The following INSL6 variants were observed in gnomAD, a reference collection of about 807,000 sequenced individuals.
The protein encoded by INSL6 is insulin-like peptide INSL6.
INSL6 carries 16 observed loss-of-function variants against 9.4 expected under a neutral mutation model. The ratio of observed to expected loss-of-function variants is 1.70; its 90% CI spans 1.15 to 2.59. The LOEUF (loss-of-function observed/expected upper bound fraction) is 2.59, where lower values mean the gene tolerates loss of function less well. INSL6 is among the 30% of genes most tolerant of loss of function. The pLI, the probability that INSL6 is intolerant of heterozygous loss-of-function variation, is 0.00. For missense variants in INSL6, 391 were observed against 257.3 expected (o/e 1.52, Z -3.56); for synonymous variants, 154 against 96.9 (o/e 1.59, Z -3.46).
the INSL6 span, among the ~76,000 whole-genome samples, chr9:5,035,842 A>G: frequency 1.3e-5 from 2 of 152,176 alleles, no homozygotes; most frequent in African/African-American, 4.8e-5. Context: ...GCCCTCTCTC[A>G]CCACTCCTAT....
the INSL6 span, among the ~76,000 whole-genome samples, chr9:5,030,216 T>G: frequency 6.6e-6 from 1 of 152,232 alleles, no homozygotes. Flanking sequence ...GTTTGGGATA[T>G]TGCTGGTTTG....
the INSL6 span, chr9:5,090,408 G>C: frequency 7.0e-7 from 1 of 1,437,982 alleles, no homozygotes; most frequent in African/African-American, 1.4e-5. Context: ...AGTATAATAT[G>C]GCAGAGTAAA....
chr9:5,184,753 C>A (rs527637418), intron 1 of INSL6, among the ~76,000 whole-genome samples: 1 of 152,284 alleles, frequency 6.6e-6, no homozygotes, highest in African/African-American at 2.4e-5. Context: ...GGAGAACGGA[C>A]CAGGCCTATC....
At chr9:5,055,596 T>A in the INSL6 span, 1 of 1,161,240 alleles carries the variant, frequency 8.6e-7, no homozygotes, top group Non-Finnish European at 1.2e-6. Context: ...AAGAATGTTG[T>A]CTTCTTAAGT....
chr9:5,113,860 G>C, the INSL6 span: 1 of 206,880 alleles, frequency 4.8e-6, no homozygotes, highest in Non-Finnish European at 9.9e-6. Context: ...CTACTCCAGG[G>C]ACTTCACCCT....
the INSL6 span, chr9:5,099,315 C>T: frequency 7.9e-5 from 12 of 152,098 alleles, no homozygotes; most frequent in African/African-American, 2.7e-4. Context: ...AAAACCTGAT[C>T]CACATCTACA....
chr9:5,007,599 A>T, the INSL6 span, among the ~76,000 whole-genome samples: 6 of 147,468 alleles, frequency 4.1e-5, no homozygotes, highest in African/African-American at 8.1e-5. Context: ...CCTATTTTGC[A>T]ACTTAATATA....
the INSL6 span, among the ~76,000 whole-genome samples, chr9:5,011,978 G>A: frequency 6.6e-6 from 1 of 152,188 alleles, no homozygotes; most frequent in African/African-American, 2.4e-5. Flanking sequence ...GGACCAGATA[G>A]CTGTTGAAAT....
intron 1 of INSL6, among the ~76,000 whole-genome samples, chr9:5,170,054 C>A (rs1186319633): frequency 6.6e-6 from 1 of 152,148 alleles, no homozygotes; most frequent in Non-Finnish European, 1.5e-5. Context: ...CCCCAAACAA[C>A]AGATATAGAT....
intron 2 of INSL6, among the ~76,000 whole-genome samples, chr9:5,158,156 C>T: frequency 6.6e-6 from 1 of 151,368 alleles, no homozygotes; most frequent in East Asian, 1.9e-4. Context: ...TCAGAGAAGA[C>T]AAAAGAAAAA....
chr9:5,123,152 T>C, downstream of INSL6: 1 of 1,441,030 alleles, frequency 6.9e-7, no homozygotes, highest in Non-Finnish European at 9.6e-7. Flanking sequence ...CTTTCAGTTT[T>C]TTGTTTGTTC....
the INSL6 span, chr9:5,080,448 G>C: frequency 3.3e-6 from 5 of 1,537,884 alleles, no homozygotes; most frequent in African/African-American, 4.2e-5. Context: ...CACATGATTT[G>C]TATTTTTTAG....
At chr9:5,070,912 A>G in the INSL6 span, among the ~76,000 whole-genome samples, 12,193 of 152,202 alleles carry the variant, frequency 0.08, 1,485 homozygotes, top group African/African-American at 0.27. Context: ...CCACGAGTTA[A>G]AAGTGAGACT....
At chr9:5,094,013 A>T in the INSL6 span, 1 of 152,172 alleles carries the variant, frequency 6.6e-6, no homozygotes, top group Non-Finnish European at 1.5e-5. Flanking sequence ...CACACCCAAG[A>T]ACAGGGTTTC....
At chr9:5,009,147 A>T in the INSL6 span, among the ~76,000 whole-genome samples, 2 of 152,354 alleles carry the variant, frequency 1.3e-5, no homozygotes, top group Non-Finnish European at 2.9e-5. Context: ...AACAACACAA[A>T]TCTTAAAATA....
chr9:5,054,652 G>C, the INSL6 span: 1 of 1,613,332 alleles, frequency 6.2e-7, no homozygotes, highest in Non-Finnish European at 8.5e-7. This position sits in a 1 kb window ranked among gnomAD's most constrained non-coding sequence, Gnocchi z 4.9. Flanking sequence ...AGATTTCGCA[G>C]ATTTATTCAG....
At chr9:5,078,358 T>A in the INSL6 span, 1 of 1,612,624 alleles carries the variant, frequency 6.2e-7, no homozygotes, top group South Asian at 1.1e-5. Context: ...ATTCTGCTTA[T>A]CAGAGAAGAA....
At chr9:5,037,000 TCTAA>T in the INSL6 span, among the ~76,000 whole-genome samples, 589 of 152,208 alleles carry the variant, frequency 3.9e-3, 4 homozygotes, top group African/African-American at 0.014. Flanking sequence ...TACAATGAAC[TCTAA>T]CAAATTTACA....
the INSL6 span, among the ~76,000 whole-genome samples, chr9:5,083,744 A>G: frequency 6.6e-6 from 1 of 151,156 alleles, no homozygotes; most frequent in Admixed American, 6.6e-5. Context: ...GATTAACAAA[A>G]GGGAAACAGC....
Sources: allele counts gnomAD v4.1 joint callset (sites outside exome capture counted in the v4.1 genomes callset), GRCh38; gene constraint gnomAD v4.1.1; non-coding constraint Gnocchi (gnomAD v3.1); transcripts MANE v1.5; gene names NCBI Gene and HGNC (gene_info 2026-07-23, HGNC 2026-07-21).